Variants in ADAMTS14 observed in about 807,000 individuals in gnomAD.
ADAMTS14 encodes ADAM metallopeptidase with thrombospondin type 1 motif 14.
ADAMTS14 carries 100 observed loss-of-function variants against 128.6 expected under a neutral mutation model. The ratio of observed to expected loss-of-function variants is 0.78; its 90% CI spans 0.66 to 0.92. The LOEUF (loss-of-function observed/expected upper bound fraction) is 0.92, where lower values mean the gene tolerates loss of function less well. Among genes scored for constraint, ADAMTS14 ranks in the 40% least tolerant of loss-of-function variants. The probability of loss-of-function intolerance (pLI) is 0.00; values close to 1 mark genes in which losing one functional copy is unlikely to be tolerated. For synonymous variants in ADAMTS14, 665 were observed against 653.8 expected, an observed-to-expected ratio of 1.02 and a Z score of -0.26; for missense variants, 1,562 against 1,658.6, an observed-to-expected ratio of 0.94 and a Z score of 1.01.
chr10:70,705,438 G>A (rs1840634204), intron 3 of ADAMTS14, among the ~76,000 whole-genome samples: 1 of 152,246 alleles, frequency 6.6e-6, no homozygotes, highest in Admixed American at 6.5e-5. Flanking sequence ...GGGGCTCAGG[G>A]CGGCTGCTTT....
At chr10:70,748,161 G>A (rs745440445) in intron 15 of ADAMTS14, among the ~76,000 whole-genome samples, 11 of 152,346 alleles carry the variant, frequency 7.2e-5, no homozygotes, top group South Asian at 6.2e-4. Flanking sequence ...CCGCTTTGCA[G>A]TTAAAGGAAA....
Position 70,752,076 on chromosome 10 carries a change from C to T in ADAMTS14, c.2597-19C>T. On this transcript the variant is annotated intron_variant, in intron 17 of 21. Transcript: ENST00000373207. Reference sequence around the variant, plus strand: ...GGGCCTGGCTGGACTAGGCCCACGGCAGCCTGCCCACCCCATAGGGATCCA... The same window carrying T: ...GGGCCTGGCTGGACTAGGCCCACGGTAGCCTGCCCACCCCATAGGGATCCA... 1.2e-6 allele frequency: 2 copies of T among 1,602,716 alleles called. No individual in the cohort carries two copies. Among genetic ancestry groups the T allele is most frequent in the South Asian group, 1.1e-5 (1 of 89,028 alleles).
intron 1 of ADAMTS14, among the ~76,000 whole-genome samples, chr10:70,673,713 G>A (rs1275869804): frequency 6.6e-6 from 1 of 152,092 alleles, no homozygotes; most frequent in African/African-American, 2.4e-5. Flanking sequence ...AGGTAGAGCT[G>A]TGTGGAAATG....
At chr10:70,735,778 T>C (rs1176473368) in intron 9 of ADAMTS14, among the ~76,000 whole-genome samples, 1 of 152,198 alleles carries the variant, frequency 6.6e-6, no homozygotes, top group Non-Finnish European at 1.5e-5. Flanking sequence ...ACCTTGTCCC[T>C]ACCCTGCAGG....
intron 7 of ADAMTS14, among the ~76,000 whole-genome samples, chr10:70,732,650 T>G (rs1185794430): frequency 6.6e-6 from 1 of 152,122 alleles, no homozygotes; most frequent in Non-Finnish European, 1.5e-5. Context: ...TTTGGGTGGG[T>G]CAGTGGCAGT....
At chr10:70,756,605 CATGAT>C (rs1235389001) in intron 19 of ADAMTS14, among the ~76,000 whole-genome samples, 4 of 152,202 alleles carry the variant, frequency 2.6e-5, no homozygotes, top group Non-Finnish European at 1.5e-5. Flanking sequence ...TAGAAAGAGA[CATGAT>C]ATGTATTGTG....
chr10:70,744,103 C>A lies in ADAMTS14; in HGVS notation c.2096C>A (p.Ala699Glu). Residue 699 changes from alanine (A) to glutamate (E), a missense_variant, in exon 14 of 22, where the codon GCG becomes GAG. Coordinates refer to ENST00000373207, the MANE Select transcript of ADAMTS14 (RefSeq NM_080722.4). ...GACAAGGAGGTGGGGTCCATGAAGG[C>A]GGATGACAAGTGTGGAGTCTGCGGG... ...GCDKEVGSMK[A>E]DDKCGVCGGD... is the part of the protein sequence containing the mutation. 1.5e-5 allele frequency: 23 copies of A among 1,565,802 alleles called. No individual in the cohort carries two copies. The highest frequency in any genetic ancestry group is 1.9e-5 in the Non-Finnish European group (22 of 1,155,278).
At chr10:70,676,257 C>T (rs982057970) in intron 2 of ADAMTS14, among the ~76,000 whole-genome samples, 9 of 152,272 alleles carry the variant, frequency 5.9e-5, no homozygotes, top group African/African-American at 9.6e-5. Flanking sequence ...CTTCTGCCTC[C>T]GCATCCCAGG....
chr10:70,689,076 T>G (rs1244835703), intron 2 of ADAMTS14, among the ~76,000 whole-genome samples: 1 of 113,542 alleles, frequency 8.8e-6, no homozygotes, highest in African/African-American at 2.7e-5. Flanking sequence ...TGAAGAGGCC[T>G]GTGTTCCACA....
intron 2 of ADAMTS14, among the ~76,000 whole-genome samples, chr10:70,682,505 C>A (rs975070384): frequency 6.6e-6 from 1 of 152,166 alleles, no homozygotes; most frequent in South Asian, 2.1e-4. Context: ...CATGCCATGA[C>A]CCTGAGCAGT....
intron 18 of ADAMTS14, 61 bp from the exon 19 acceptor site, chr10:70,753,739 G>A: frequency 6.9e-7 from 1 of 1,458,388 alleles, no homozygotes; most frequent in African/African-American, 1.4e-5. Context: ...GGGATAGAAA[G>A]TGTCCTCTGG....
At position 70,743,997 on chromosome 10, in the gene ADAMTS14, G is replaced by A. The variant is rs111642660; in HGVS notation, c.2059-69G>A. 7 of 1,527,354 alleles carry A rather than the reference G, an allele frequency of 4.6e-6. No individual in the cohort carries two copies. The African/African-American group carries it at 8.2e-5, about 18-fold the overall frequency. 94.6% of individuals were successfully genotyped at this position (1,527,354 alleles called of 1,614,324 possible). On this transcript the variant is annotated intron_variant, in intron 13 of 21. Coordinates refer to ENST00000373207, the MANE Select transcript of ADAMTS14 (RefSeq NM_080722.4). ...TCTCCTGACCAGGGCCTGGGGATGG[G>A]AATGGGAGCCCCGGGGTGGCGGTGG...
At chr10:70,745,136 C>T (rs1842136151) in intron 14 of ADAMTS14, 90 bp from the exon 15 acceptor site, 15 of 1,201,782 alleles carry the variant, frequency 1.2e-5, no homozygotes, top group Non-Finnish European at 1.4e-5. Context: ...ATGAGATGTT[C>T]CTGGGTGCCC....
At position 70,754,000 on chromosome 10, in the gene ADAMTS14, G is replaced by A; in HGVS notation, c.2930G>A (p.Trp977Ter). The change falls in exon 19 of 22, where the codon TGG (tryptophan) becomes TAG (stop). Residue 977 changes from tryptophan (W) to a stop codon, truncating the protein, a stop_gained. Transcript: ENST00000373207. LOFTEE classifies it high-confidence loss of function. The part of the protein sequence containing the change: ...PCPAQWRLGA[W>*]SQCSATCGEG... ...CCAGCCCAGTGGAGGCTGGGAGCCTGGTCCCAGGTGACTTGTCCTCAGGAG... is the reference window on the plus strand; with the variant it reads ...CCAGCCCAGTGGAGGCTGGGAGCCTAGTCCCAGGTGACTTGTCCTCAGGAG... 6.4e-7 allele frequency: 1 copy of A among 1,560,640 alleles called. No homozygotes were observed.
chr10:70,742,035 C>A (rs555592148), intron 12 of ADAMTS14, among the ~76,000 whole-genome samples: 46 of 152,336 alleles, frequency 3.0e-4, no homozygotes, highest in Middle Eastern at 3.4e-3. Flanking sequence ...GGCTCCACCC[C>A]AGAACTGTCA....
At chr10:70,689,830 A>G (rs35658241) in intron 2 of ADAMTS14, among the ~76,000 whole-genome samples, 42,997 of 143,980 alleles carry the variant, frequency 0.3, 11,258 homozygotes, top group Non-Finnish European at 0.4. Context: ...TGAAGGGAAC[A>G]TTCCTCCCCA....
intron 4 of ADAMTS14, among the ~76,000 whole-genome samples, chr10:70,718,550 T>A (rs1841135903): frequency 6.6e-6 from 1 of 151,746 alleles, no homozygotes; most frequent in Non-Finnish European, 1.5e-5. Context: ...CACACCCAGG[T>A]AATTTTTGTA....
At chr10:70,758,492 C>T (rs1449931330) in intron 21 of ADAMTS14, among the ~76,000 whole-genome samples, 1 of 152,184 alleles carries the variant, frequency 6.6e-6, no homozygotes, top group Non-Finnish European at 1.5e-5. Flanking sequence ...ATGTTTATTT[C>T]TAAGTTTGGT....
intron 4 of ADAMTS14, among the ~76,000 whole-genome samples, chr10:70,727,074 C>T (rs1037695774): frequency 6.6e-5 from 10 of 152,354 alleles, no homozygotes; most frequent in African/African-American, 2.2e-4. Context: ...AGCCTGACAC[C>T]GGCTGCTCTG....
Sources: gnomAD v4.1 joint callset for allele counts (sites outside exome capture counted in the v4.1 genomes callset) on GRCh38, gnomAD v4.1.1 for gene constraint, MANE v1.5 for transcripts, NCBI Gene and HGNC (gene_info 2026-07-23, HGNC 2026-07-21) for gene names.